CDIN1: variants seen among roughly 807,000 people sequenced by gnomAD.
CDIN1 encodes the protein CDAN1-interacting nuclease 1.
A neutral mutation model predicts 45.3 loss-of-function variants in CDIN1; 33 were observed. The observed-to-expected ratio is 0.73, with a 90% CI of 0.55 to 0.97. CDIN1 has a LOEUF of 0.97. CDIN1 is among the 50% of genes least tolerant of loss of function. The pLI is 0.00. For synonymous variants in CDIN1, 118 were observed against 124.4 expected, an observed-to-expected ratio of 0.95 and a Z score of 0.34; for missense variants, 303 against 339.4, an observed-to-expected ratio of 0.89 and a Z score of 0.84.
At chr15:36,610,276 GTGT>G (rs2038586355) in intron 1 of CDIN1, among the ~76,000 whole-genome samples, 1 of 152,208 alleles carries the variant, frequency 6.6e-6, no homozygotes, top group Non-Finnish European at 1.5e-5. Context: ...TCAAATTGTG[GTGT>G]TGTAGAGAAG....
intron 1 of CDIN1, among the ~76,000 whole-genome samples, chr15:36,621,238 T>TTTA (rs1424517717): frequency 6.6e-6 from 1 of 152,228 alleles, no homozygotes; most frequent in Non-Finnish European, 1.5e-5. Flanking sequence ...AGCGTAAGCA[T>TTTA]CTTGGTAATA....
At chr15:36,725,026 C>T (rs1056241765) in intron 10 of CDIN1, among the ~76,000 whole-genome samples, 4 of 152,138 alleles carry the variant, frequency 2.6e-5, no homozygotes, top group Admixed American at 2.6e-4. Context: ...ATCCAAAGCT[C>T]CATCGGCAGC....
chr15:36,720,445 A>G (rs1370661121), intron 10 of CDIN1, among the ~76,000 whole-genome samples: 1 of 104,466 alleles, frequency 9.6e-6, no homozygotes, highest in East Asian at 2.9e-4. Context: ...ACCCTATGAC[A>G]GGCCCCAGAG....
chr15:36,686,850 G>A (rs1406786334), intron 5 of CDIN1, among the ~76,000 whole-genome samples: 4 of 125,070 alleles, frequency 3.2e-5, no homozygotes, highest in African/African-American at 1.2e-4. Context: ...GAGAGGGAGG[G>A]AGGGAGGGGA....
At chr15:36,776,689 G>A (rs917852277) in intron 10 of CDIN1, among the ~76,000 whole-genome samples, 1 of 152,172 alleles carries the variant, frequency 6.6e-6, no homozygotes, top group East Asian at 1.9e-4. Context: ...TAGAATGCAG[G>A]TTTAAAGGAG....
intron 10 of CDIN1, among the ~76,000 whole-genome samples, chr15:36,747,444 T>G (rs990699334): frequency 1.1e-4 from 17 of 152,344 alleles, no homozygotes; most frequent in African/African-American, 4.1e-4. Context: ...GTGTTTCTTT[T>G]CTTAACTTTC....
intron 1 of CDIN1, among the ~76,000 whole-genome samples, chr15:36,632,078 T>C (rs1235891370): frequency 6.6e-6 from 1 of 152,126 alleles, no homozygotes; most frequent in South Asian, 2.1e-4. Context: ...CAAGTGATTC[T>C]CCTGCCTCAG....
chr15:36,709,180 A>G (rs997913368), intron 8 of CDIN1, 43 bp from the exon 9 acceptor site: 10 of 1,504,106 alleles, frequency 6.6e-6, no homozygotes, highest in Non-Finnish European at 9.0e-6. Flanking sequence ...TATCTTGTTA[A>G]TTGAATAGTG....
intron 10 of CDIN1, among the ~76,000 whole-genome samples, chr15:36,796,102 TC>T (rs2054788997): frequency 6.6e-6 from 1 of 152,174 alleles, no homozygotes; most frequent in African/African-American, 2.4e-5. Flanking sequence ...TGAGTTCATT[TC>T]CAGATCTCTG....
chr15:36,636,985 T>C (rs1427080057), intron 1 of CDIN1, among the ~76,000 whole-genome samples: 1 of 152,186 alleles, frequency 6.6e-6, no homozygotes, highest in Non-Finnish European at 1.5e-5. Flanking sequence ...GGTAAGACAA[T>C]AGCATTTAGT....
intron 10 of CDIN1, among the ~76,000 whole-genome samples, chr15:36,759,503 ACT>A (rs1406943656): frequency 6.6e-6 from 1 of 152,088 alleles, no homozygotes; most frequent in Non-Finnish European, 1.5e-5. Context: ...TAAAAAAAAA[ACT>A]CATTTAAAAT....
At chr15:36,780,981 T>A (rs2054336408) in intron 10 of CDIN1, among the ~76,000 whole-genome samples, 1 of 152,176 alleles carries the variant, frequency 6.6e-6, no homozygotes, top group South Asian at 2.1e-4. Flanking sequence ...TTGCATACCG[T>A]TTCAAAAGGT....
At chr15:36,621,290 T>C (rs1390023099) in intron 1 of CDIN1, among the ~76,000 whole-genome samples, 6 of 152,210 alleles carry the variant, frequency 3.9e-5, no homozygotes, top group Non-Finnish European at 7.4e-5. Flanking sequence ...TACATTACTG[T>C]GAAATTCACC....
At chr15:36,653,179 A>G (rs1343551416) in intron 3 of CDIN1, among the ~76,000 whole-genome samples, 1 of 152,136 alleles carries the variant, frequency 6.6e-6, no homozygotes, top group African/African-American at 2.4e-5. Flanking sequence ...TACATGATAG[A>G]AAGATGTACA....
chr15:36,721,330 C>G (rs2043409717), intron 10 of CDIN1, among the ~76,000 whole-genome samples: 1 of 152,132 alleles, frequency 6.6e-6, no homozygotes, highest in Non-Finnish European at 1.5e-5. Flanking sequence ...AATAAATTTA[C>G]TTCTGAGCAC....
intron 10 of CDIN1, among the ~76,000 whole-genome samples, chr15:36,801,871 A>G (rs924745967): frequency 6.6e-6 from 1 of 152,222 alleles, no homozygotes; most frequent in Non-Finnish European, 1.5e-5. Context: ...GGTGATACTT[A>G]AATTGAAATA....
intron 1 of CDIN1, among the ~76,000 whole-genome samples, chr15:36,597,370 CA>C (rs2037886405): frequency 3.3e-5 from 5 of 152,164 alleles, no homozygotes; most frequent in Non-Finnish European, 5.9e-5. Context: ...TTTTTTGATA[CA>C]CAACCTCTCT....
At chr15:36,625,070 G>C (rs1440867317) in intron 1 of CDIN1, among the ~76,000 whole-genome samples, 2 of 152,106 alleles carry the variant, frequency 1.3e-5, no homozygotes, top group Non-Finnish European at 2.9e-5. Context: ...AAGGTTAGGA[G>C]ATTAAGACCA....
chr15:36,676,293 G>A (rs1046566999), intron 5 of CDIN1, among the ~76,000 whole-genome samples: 5 of 152,054 alleles, frequency 3.3e-5, no homozygotes, highest in South Asian at 2.1e-4. Flanking sequence ...TGCCGAAAAA[G>A]AACACACTTT....
Sources: gnomAD v4.1 joint callset for allele counts (sites outside exome capture counted in the v4.1 genomes callset) on GRCh38, gnomAD v4.1.1 for gene constraint, MANE v1.5 for transcripts, NCBI Gene and HGNC (gene_info 2026-07-23, HGNC 2026-07-21) for gene names.